Variants in REL observed in about 807,000 individuals in gnomAD.
REL encodes the protein proto-oncogene c-Rel.
A neutral mutation model predicts 45.9 loss-of-function variants in REL; 15 were observed. The ratio of observed to expected loss-of-function variants is 0.33; its 90% CI spans 0.22 to 0.50. The LOEUF is 0.50. Ranked by LOEUF, REL falls within the 20% of genes least tolerant of loss-of-function variation. REL has a pLI of 0.98. For synonymous variants in REL, 239 were observed against 242.1 expected (o/e 0.99, Z 0.12); for missense variants, 601 against 715.2 (o/e 0.84, Z 1.82).
chr2:60,904,901 A>C (rs1673599917), intron 4 of REL, among the ~76,000 whole-genome samples: 1 of 152,104 alleles, frequency 6.6e-6, no homozygotes, highest in Admixed American at 6.5e-5. Flanking sequence ...AAGTAAAGAA[A>C]AGGAAAGTAA....
intron 4 of REL, among the ~76,000 whole-genome samples, chr2:60,910,482 CA>C (rs11311284): frequency 0.77 from 106,558 of 138,260 alleles, 40,985 homozygotes; most frequent in East Asian, 0.98. Flanking sequence ...AAACAAAAAA[CA>C]AAAAAAAAAA....
At position 60,927,725 on chromosome 2, in the gene REL, G is replaced by T. The variant is rs1674299674; in HGVS notation, c.*5190G>T. The T allele has an allele frequency of 4.4e-6, 1 of 229,014 alleles. No homozygotes were observed. The highest frequency in any genetic ancestry group is 6.2e-5 in the East Asian group (1 of 16,110). 14.2% of individuals were successfully genotyped at this position (229,014 alleles called of 1,614,324 possible). On this transcript the variant is annotated 3_prime_UTR_variant, in exon 10 of 10. Transcript: ENST00000394479. ...AGATGTCAGTCTTTTTCTTTGCAAG[G>T]ATAACACATGTAGAGTAAAATGCAT...
intron 1 of REL, among the ~76,000 whole-genome samples, chr2:60,883,048 T>C (rs906284420): frequency 4.6e-5 from 7 of 152,222 alleles, no homozygotes; most frequent in Admixed American, 4.6e-4. Context: ...GTTGGTCTTT[T>C]ACCAGGATTT....
At chr2:60,897,226 T>C (rs1425935041) in intron 3 of REL, among the ~76,000 whole-genome samples, 2 of 152,170 alleles carry the variant, frequency 1.3e-5, no homozygotes, top group African/African-American at 4.8e-5. Flanking sequence ...GTTTTTTTGA[T>C]ATGCCGTCAT....
chr2:60,907,433 G>A (rs761013530), intron 4 of REL, among the ~76,000 whole-genome samples: 1 of 151,736 alleles, frequency 6.6e-6, no homozygotes, highest in Non-Finnish European at 1.5e-5. Context: ...GATCACTTGA[G>A]TCTAGTTCGA....
At chr2:60,902,596 T>A (rs1017730573) in intron 4 of REL, among the ~76,000 whole-genome samples, 1 of 137,712 alleles carries the variant, frequency 7.3e-6, no homozygotes, top group African/African-American at 2.7e-5. Context: ...TTTAGTCATC[T>A]TTTTTTTTTT....
At chr2:60,905,167 T>C (rs758680137) in intron 4 of REL, among the ~76,000 whole-genome samples, 2 of 152,204 alleles carry the variant, frequency 1.3e-5, no homozygotes, top group Non-Finnish European at 2.9e-5. Flanking sequence ...CGATCTCGGC[T>C]CACTGCAAGC....
intron 1 of REL, among the ~76,000 whole-genome samples, chr2:60,889,780 A>C (rs1673161799): frequency 1.3e-5 from 2 of 152,136 alleles, no homozygotes; most frequent in Non-Finnish European, 2.9e-5. Flanking sequence ...ACATGAGCTT[A>C]TCCTTTTTTA....
At chr2:60,885,245 A>G (rs1236196849) in intron 1 of REL, among the ~76,000 whole-genome samples, 1 of 152,224 alleles carries the variant, frequency 6.6e-6, no homozygotes, top group Non-Finnish European at 1.5e-5. Flanking sequence ...TTGTAGGCAC[A>G]TGACCCAAAT....
chr2:60,881,575 C>G lies in REL; in HGVS notation c.-266C>G, dbSNP rs1384541166. The G allele has an allele frequency of 2.1e-6, 1 of 475,196 alleles. No homozygotes were observed. The highest frequency in any genetic ancestry group is 2.0e-5 in the African/African-American group (1 of 48,868). 29.4% of individuals were successfully genotyped at this position (475,196 alleles called of 1,614,324 possible). On this transcript the variant is annotated 5_prime_UTR_variant, in exon 1 of 10. Coordinates refer to ENST00000394479, the MANE Select transcript of REL (RefSeq NM_001291746.2). The stretch of plus-strand genomic sequence containing the variant: ...TGCTCGCCTCTCGGCTGGGCCAGCA[C>G]TCGGCTCTCCCCGCTCCGCCCCCTG...
At chr2:60,906,658 A>G (rs7604989) in intron 4 of REL, among the ~76,000 whole-genome samples, 33,001 of 151,874 alleles carry the variant, frequency 0.22, 3,798 homozygotes, top group Middle Eastern at 0.37. Context: ...CTGCACTGTT[A>G]GAAGAGCCAT....
intron 4 of REL, among the ~76,000 whole-genome samples, chr2:60,912,056 A>G (rs1003825864): frequency 1.3e-5 from 2 of 151,862 alleles, no homozygotes; most frequent in Non-Finnish European, 2.9e-5. Flanking sequence ...ATTCAATGCA[A>G]CTCCATATTA....
chr2:60,885,084 T>C (rs2103914333), intron 1 of REL, among the ~76,000 whole-genome samples: 1 of 152,308 alleles, frequency 6.6e-6, no homozygotes, highest in Middle Eastern at 3.4e-3. Flanking sequence ...GGGAATGAGT[T>C]AATGTAATGA....
chr2:60,915,094 G>A (rs1447063703), intron 4 of REL, among the ~76,000 whole-genome samples: 1 of 151,556 alleles, frequency 6.6e-6, no homozygotes, highest in Non-Finnish European at 1.5e-5. Context: ...GCCTCCCAAA[G>A]TGCTGGGATT....
At chr2:60,911,782 C>G (rs899732311) in intron 4 of REL, among the ~76,000 whole-genome samples, 11 of 151,992 alleles carry the variant, frequency 7.2e-5, no homozygotes, top group African/African-American at 2.7e-4. Flanking sequence ...GGGCGGATCA[C>G]AAGGTCAAGA....
At chr2:60,909,806 CAGG>C (rs368312882) in intron 4 of REL, among the ~76,000 whole-genome samples, 16 of 151,932 alleles carry the variant, frequency 1.1e-4, no homozygotes, top group East Asian at 9.8e-4. Flanking sequence ...GAGGCTGAGG[CAGG>C]AGGAGAATCA....
At chr2:60,911,007 A>G (rs970932102) in intron 4 of REL, among the ~76,000 whole-genome samples, 8 of 152,216 alleles carry the variant, frequency 5.3e-5, no homozygotes, top group Admixed American at 4.6e-4. Context: ...ATAGAATGAT[A>G]TGTATCTATT....
intron 4 of REL, among the ~76,000 whole-genome samples, chr2:60,906,911 A>ATTTTTT (rs1285004419): frequency 1.7e-4 from 18 of 109,014 alleles, no homozygotes; most frequent in Non-Finnish European, 2.7e-4. Flanking sequence ...ATATATATAT[A>ATTTTTT]TATTTTTTTT....
rs200474960 is a variant in REL at position 60,891,729 on chromosome 2, G to A, written c.57G>A (p.Arg19=). 1.4e-4 allele frequency: 226 copies of A among 1,613,980 alleles called. 2 individuals are homozygous for A. The South Asian group carries it at 2.1e-3, about 15-fold the overall frequency. ...YIEIIEQPRQ[R]GMRFRYKCEG... ...AGATAATTGAACAACCCAGGCAGAGGGGAATGCGTTTTAGATACAAATGTG... is the reference window on the plus strand; with the variant it reads ...AGATAATTGAACAACCCAGGCAGAGAGGAATGCGTTTTAGATACAAATGTG... The change falls in exon 2 of 10, where the codon AGG becomes AGA. Residue 19 remains arginine, a synonymous_variant. Coordinates refer to ENST00000394479, the MANE Select transcript of REL (RefSeq NM_001291746.2).
Sources: gnomAD v4.1 joint callset for allele counts (sites outside exome capture counted in the v4.1 genomes callset) on GRCh38, gnomAD v4.1.1 for gene constraint, MANE v1.5 for transcripts, NCBI Gene and HGNC (gene_info 2026-07-23, HGNC 2026-07-21) for gene names.